The following ARMH3 variants were observed in gnomAD, a reference collection of about 807,000 sequenced individuals.
The protein encoded by ARMH3 is armadillo-like helical domain-containing protein 3.
ARMH3 carries 60 observed loss-of-function variants against 99.1 expected under a neutral mutation model. That is an observed-to-expected ratio of 0.61 (90% CI 0.49 to 0.75). The LOEUF (loss-of-function observed/expected upper bound fraction) is 0.75, where lower values mean the gene tolerates loss of function less well. Among genes scored for constraint, ARMH3 ranks in the 30% least tolerant of loss-of-function variants. ARMH3 has a pLI of 0.00. For synonymous variants in ARMH3, 285 were observed against 292.8 expected, an observed-to-expected ratio of 0.97 and a Z score of 0.27; for missense variants, 679 against 843.1, an observed-to-expected ratio of 0.81 and a Z score of 2.41.
intron 1 of ARMH3, among the ~76,000 whole-genome samples, chr10:102,047,435 C>A (rs1244288641): frequency 6.6e-6 from 1 of 151,908 alleles, no homozygotes; most frequent in Non-Finnish European, 1.5e-5. Flanking sequence ...TCCTGGGGTG[C>A]CTCCTAAATA....
intron 1 of ARMH3, among the ~76,000 whole-genome samples, chr10:102,046,479 C>A (rs1432818835): frequency 6.6e-6 from 1 of 151,896 alleles, no homozygotes; most frequent in Non-Finnish European, 1.5e-5. Flanking sequence ...ATGGAGAAAC[C>A]CCATCTCTAC....
intron 24 of ARMH3, among the ~76,000 whole-genome samples, chr10:101,857,695 T>C (rs752348203): frequency 7.2e-5 from 11 of 152,224 alleles, no homozygotes; most frequent in Non-Finnish European, 1.2e-4. Flanking sequence ...AAGACGACTT[T>C]TCCTACAAAA....
intron 1 of ARMH3, among the ~76,000 whole-genome samples, chr10:102,051,961 T>C (rs2067717631): frequency 6.6e-6 from 1 of 152,082 alleles, no homozygotes; most frequent in Admixed American, 6.6e-5. Flanking sequence ...AGCTCCAAAT[T>C]GACAGTATTT....
At chr10:101,941,543 G>A (rs61873605) in intron 22 of ARMH3, among the ~76,000 whole-genome samples, 4,340 of 152,274 alleles carry the variant, frequency 0.029, 106 homozygotes, top group Non-Finnish European at 0.043. Context: ...GGCTGTGATG[G>A]GGGAAAGAAA....
At chr10:101,859,670 G>C (rs914918156) in intron 24 of ARMH3, among the ~76,000 whole-genome samples, 3 of 152,200 alleles carry the variant, frequency 2.0e-5, no homozygotes, top group African/African-American at 7.2e-5. Flanking sequence ...GTACTTATTA[G>C]ATAACTGTCC....
At chr10:102,054,340 G>C (rs1221959010) in intron 1 of ARMH3, among the ~76,000 whole-genome samples, 1 of 149,206 alleles carries the variant, frequency 6.7e-6, no homozygotes, top group Non-Finnish European at 1.5e-5. Context: ...AGTGAGCCAA[G>C]ATCATGCCAC....
At chr10:102,052,688 A>G (rs975571550) in intron 1 of ARMH3, among the ~76,000 whole-genome samples, 23 of 152,340 alleles carry the variant, frequency 1.5e-4, no homozygotes, top group Admixed American at 1.4e-3. Context: ...TGCCTTGAGA[A>G]GCTCACTATT....
At chr10:101,882,207 A>G (rs1654543588) in intron 24 of ARMH3, among the ~76,000 whole-genome samples, 2 of 152,340 alleles carry the variant, frequency 1.3e-5, no homozygotes, top group South Asian at 4.1e-4. Flanking sequence ...AAGGCATAAA[A>G]TTGGTCAGGA....
chr10:102,055,713 C>T (rs1014544917), intron 1 of ARMH3, among the ~76,000 whole-genome samples: 3 of 152,208 alleles, frequency 2.0e-5, no homozygotes, highest in African/African-American at 7.2e-5. Context: ...ACGCCCGCAC[C>T]CCAGGACCAA....
At chr10:102,047,502 T>TTTA (rs2067585698) in intron 1 of ARMH3, among the ~76,000 whole-genome samples, 1 of 150,980 alleles carries the variant, frequency 6.6e-6, no homozygotes. Context: ...TTTTTTTTTT[T>TTTA]GAGAGACAAC....
chr10:102,040,250 A>C, intron 1 of ARMH3, 125 bp from the exon 2 acceptor site: 1 of 776,330 alleles, frequency 1.3e-6, no homozygotes, highest in South Asian at 1.6e-5. Flanking sequence ...ATCCTAATGT[A>C]AACTGTGGAC....
chr10:102,011,848 T>C lies in ARMH3; in HGVS notation c.771-65A>G, dbSNP rs2066636799. 11 of 1,392,114 alleles carry C rather than the reference T, an allele frequency of 7.9e-6. No individual in the cohort carries two copies. The East Asian group carries it at 2.5e-4, about 32-fold the overall frequency. The allele number at this position is 1,392,114 out of a possible 1,614,324, so 86.2% of individuals were successfully genotyped here. A position where few individuals can be genotyped will look rare whatever the true frequency, so the allele number is the denominator to read the frequency against. ...TCAATTATGTCTTTGTCCTTGACAT[T>C]TGGGGTAATCAGGGCAGAGCACTCT... On this transcript the variant is annotated intron_variant, in intron 10 of 25. Transcript: ENST00000370033.
intron 8 of ARMH3, among the ~76,000 whole-genome samples, chr10:102,022,603 T>C (rs1458731665): frequency 2.1e-5 from 3 of 145,114 alleles, no homozygotes; most frequent in East Asian, 2.1e-4. Context: ...TTTTCTGAGA[T>C]GGAGTCTCAC....
In ARMH3 at chr10:101,994,540, T is replaced by C. The variant is rs140318984; in HGVS notation, c.1209+757A>G. 3.4e-3 allele frequency among the ~76,000 whole-genome samples: 511 copies of C among 152,338 alleles called. 1 individual carries two copies. The highest frequency in any genetic ancestry group is 0.012 in the South Asian group (56 of 4,828). ...TCACTCAAGTTCTGCCATGCCTGTG[T>C]GTCACCAAGATACATGGTGAGTTTG... On this transcript the variant is annotated intron_variant, in intron 16 of 25. Transcript: ENST00000370033.
chr10:102,014,729 G>GT (rs1217069720), intron 8 of ARMH3, among the ~76,000 whole-genome samples: 1 of 152,154 alleles, frequency 6.6e-6, no homozygotes, highest in Admixed American at 6.5e-5. Flanking sequence ...GAGTTCTTGG[G>GT]TTTTTCCAGA....
chr10:101,998,924 G>GT (rs893321510), intron 15 of ARMH3, among the ~76,000 whole-genome samples: 2 of 152,120 alleles, frequency 1.3e-5, no homozygotes, highest in Non-Finnish European at 2.9e-5. Context: ...AGTGGAAATG[G>GT]TTTTTTTGTT....
intron 23 of ARMH3, among the ~76,000 whole-genome samples, chr10:101,916,711 A>G (rs1843101678): frequency 6.6e-6 from 1 of 152,184 alleles, no homozygotes; most frequent in African/African-American, 2.4e-5. Flanking sequence ...GGGTATTTCC[A>G]GGAGACAGAT....
intron 24 of ARMH3, among the ~76,000 whole-genome samples, chr10:101,873,663 C>T (rs1340140029): frequency 6.6e-6 from 1 of 152,168 alleles, no homozygotes; most frequent in Non-Finnish European, 1.5e-5. Context: ...CCACCTGTAG[C>T]CCAAGCAACC....
intron 24 of ARMH3, among the ~76,000 whole-genome samples, chr10:101,865,215 CA>C (rs201839149): frequency 3.4e-4 from 37 of 108,270 alleles, no homozygotes; most frequent in Admixed American, 5.7e-4. Context: ...GACTATGTCT[CA>C]AAAAAAAAAA....
Sources: allele counts gnomAD v4.1 joint callset (sites outside exome capture counted in the v4.1 genomes callset), GRCh38; gene constraint gnomAD v4.1.1; transcripts MANE v1.5; gene names NCBI Gene and HGNC (gene_info 2026-07-23, HGNC 2026-07-21).